Variants in PPP1R37 observed in about 807,000 individuals in gnomAD.
PPP1R37 encodes leucine rich repeat containing 68.
In PPP1R37, 21 loss-of-function variants were observed where a neutral mutation model predicts 61.0. The observed-to-expected ratio is 0.34, with a 90% confidence interval of 0.24 to 0.50. The LOEUF is 0.50. PPP1R37 is among the 20% of genes least tolerant of loss of function. PPP1R37 has a pLI of 0.98. For synonymous variants in PPP1R37, 443 were observed against 433.5 expected, an observed-to-expected ratio of 1.02 and a Z score of -0.27; for missense variants, 910 against 952.7, an observed-to-expected ratio of 0.96 and a Z score of 0.59.
intron 1 of PPP1R37, among the ~76,000 whole-genome samples, chr19:45,127,907 A>G (rs981817496): frequency 1.3e-5 from 2 of 150,496 alleles, no homozygotes; most frequent in African/African-American, 4.9e-5. Flanking sequence ...CCCGGGAGGC[A>G]GAGGTTGCAG....
intron 1 of PPP1R37, among the ~76,000 whole-genome samples, chr19:45,113,323 C>T (rs886324250): frequency 4.6e-5 from 7 of 152,364 alleles, no homozygotes; most frequent in Non-Finnish European, 8.8e-5. Context: ...TAACAGGAAT[C>T]ATAATAGCTA....
chr19:45,103,393 A>G (rs904161268), intron 1 of PPP1R37, among the ~76,000 whole-genome samples: 1 of 152,146 alleles, frequency 6.6e-6, no homozygotes, highest in African/African-American at 2.4e-5. Context: ...CCAGCTGGGA[A>G]TGTGTTCCCT....
chr19:45,116,513 CACGGCCTCTCAGCAG>C (rs1454819946), intron 1 of PPP1R37, among the ~76,000 whole-genome samples: 16 of 152,348 alleles, frequency 1.1e-4, no homozygotes, highest in African/African-American at 3.4e-4. Flanking sequence ...CTGCAGGACT[CACGGCCTCTCAGCAG>C]GCCTGAGGAG....
At chr19:45,127,374 A>C (rs1308562295) in intron 1 of PPP1R37, among the ~76,000 whole-genome samples, 1 of 149,798 alleles carries the variant, frequency 6.7e-6, no homozygotes, top group Non-Finnish European at 1.5e-5. Flanking sequence ...AAAAAAAAAA[A>C]AACCCTAGGT....
At chr19:45,140,732 C>A in intron 4 of PPP1R37, 126 bp downstream of exon 4, 1 of 685,144 alleles carries the variant, frequency 1.5e-6, no homozygotes, top group South Asian at 1.7e-5. Flanking sequence ...GGCGCAAGGG[C>A]GGGGCCTCTT....
At position 45,106,561 on chromosome 19, in the gene PPP1R37, G is replaced by A. The variant is rs1032270470; in HGVS notation, c.202+13034G>A. 3.3e-5 allele frequency among the ~76,000 whole-genome samples: 5 copies of A among 151,822 alleles called. No homozygotes were observed. In the East Asian group the frequency reaches 7.8e-4, roughly 24 times the overall value. On this transcript the variant is annotated intron_variant, in intron 1 of 12. Coordinates refer to ENST00000221462, the MANE Select transcript of PPP1R37 (RefSeq NM_019121.2). ...GCCTGGCCTGTTTGTTTTGAGATGAGGTCTTCCTCTGTCGCCCAGGCTGGA... is the reference window on the plus strand; with the variant it reads ...GCCTGGCCTGTTTGTTTTGAGATGAAGTCTTCCTCTGTCGCCCAGGCTGGA...
chr19:45,143,523 C>A lies in PPP1R37; in HGVS notation c.877C>A (p.Leu293Met). 6.5e-7 allele frequency: 1 copy of A among 1,531,496 alleles called. No homozygotes were observed. Among genetic ancestry groups the A allele is most frequent in the Non-Finnish European group, 8.7e-7 (1 of 1,142,918 alleles). 94.9% of individuals were successfully genotyped at this position (1,531,496 alleles called of 1,614,324 possible). A position where few individuals can be genotyped will look rare whatever the true frequency, so the allele number is the denominator to read the frequency against. Residue 293 changes from leucine to methionine, a missense_variant and splice_region_variant, in exon 8 of 13, where the codon CTG (leucine) becomes ATG (methionine). Leu to Met is a conservative substitution (Grantham distance 15, BLOSUM62 2). Around this residue, in one of 3 missense-constraint regions of PPP1R37, gnomAD observed 280 missense variants for 382.2 expected, o/e 0.73. Coordinates refer to ENST00000221462, the MANE Select transcript of PPP1R37 (RefSeq NM_019121.2). ...LRNNHVLDSG[L>M]AYICEGLKEQ... ...CTCTGACTGCCGGCCTCCTCCAGGT[C>A]TGGCCTACATCTGCGAGGGCCTCAA... is the stretch of plus-strand genomic sequence containing the variant.
chr19:45,119,687 T>A (rs1348533502), intron 1 of PPP1R37, among the ~76,000 whole-genome samples: 1 of 152,208 alleles, frequency 6.6e-6, no homozygotes, highest in Non-Finnish European at 1.5e-5. Flanking sequence ...GCCGGCACCC[T>A]CTGTCCTCCA....
chr19:45,104,784 G>T (rs959338093), intron 1 of PPP1R37, among the ~76,000 whole-genome samples: 2 of 152,044 alleles, frequency 1.3e-5, no homozygotes, highest in Non-Finnish European at 2.9e-5. Flanking sequence ...AGATCACCTT[G>T]CCATGCTCTT....
intron 1 of PPP1R37, among the ~76,000 whole-genome samples, chr19:45,095,476 T>G (rs1967980540): frequency 1.3e-5 from 2 of 149,066 alleles, no homozygotes; most frequent in South Asian, 2.1e-4. Flanking sequence ...AAATTAAGAC[T>G]TTTGGGCCGG....
intron 1 of PPP1R37, among the ~76,000 whole-genome samples, chr19:45,107,306 T>A (rs1223142561): frequency 2.6e-5 from 4 of 151,834 alleles, no homozygotes; most frequent in Non-Finnish European, 5.9e-5. Context: ...CCAGTCTCTA[T>A]TAAAAAAAAG....
intron 1 of PPP1R37, among the ~76,000 whole-genome samples, chr19:45,100,463 C>A (rs1298015661): frequency 6.6e-6 from 1 of 152,132 alleles, no homozygotes; most frequent in African/African-American, 2.4e-5. Context: ...ATTTAGATAT[C>A]ACAGCCACCC....
At chr19:45,133,036 G>T (rs548012713) in intron 1 of PPP1R37, among the ~76,000 whole-genome samples, 1 of 152,146 alleles carries the variant, frequency 6.6e-6, no homozygotes, top group Admixed American at 6.5e-5. Context: ...TGAGTTGGGC[G>T]CTAGGATTTG....
intron 7 of PPP1R37, chr19:45,143,064 C>G (rs895389388): frequency 5.9e-6 from 1 of 169,518 alleles, no homozygotes. Context: ...AGACCCCACT[C>G]TACTGAGCAC....
intron 1 of PPP1R37, among the ~76,000 whole-genome samples, chr19:45,133,415 C>G (rs1194571997): frequency 6.6e-6 from 1 of 152,204 alleles, no homozygotes; most frequent in Non-Finnish European, 1.5e-5. Flanking sequence ...TATTGCAAGA[C>G]TCTATATCTC....
intron 1 of PPP1R37, among the ~76,000 whole-genome samples, chr19:45,094,934 A>G (rs80184470): frequency 0.11 from 16,887 of 152,204 alleles, 1,305 homozygotes; most frequent in Non-Finnish European, 0.17. Context: ...CGCTTGGGAC[A>G]TGCAGGGCAG....
At chr19:45,140,715 G>A in intron 4 of PPP1R37, 109 bp downstream of exon 4, 1 of 772,906 alleles carries the variant, frequency 1.3e-6, no homozygotes. Flanking sequence ...GACAAAGGCT[G>A]AGGGGTGGCG....
intron 1 of PPP1R37, among the ~76,000 whole-genome samples, chr19:45,103,331 G>GCCTGGGT (rs1968087674): frequency 6.6e-6 from 1 of 152,262 alleles, no homozygotes; most frequent in Admixed American, 6.5e-5. Flanking sequence ...CGCAGCGGAA[G>GCCTGGGT]CCTGGGTCGG....
intron 1 of PPP1R37, chr19:45,136,337 C>T (rs1968538959): frequency 6.6e-6 from 1 of 152,226 alleles, no homozygotes; most frequent in African/African-American, 2.4e-5. Context: ...TCTTTTCTCT[C>T]TCTCTTTTGG....
Sources: gnomAD v4.1 joint callset for allele counts (sites outside exome capture counted in the v4.1 genomes callset) on GRCh38, gnomAD v4.1.1 for gene constraint, gnomAD v4.1.1 regional missense constraint, MANE v1.5 for transcripts, NCBI Gene and HGNC (gene_info 2026-07-23, HGNC 2026-07-21) for gene names.